DNAAF1: variants seen among roughly 807,000 people sequenced by gnomAD.
DNAAF1 encodes dynein assembly factor 1, axonemal.
In DNAAF1, 65 loss-of-function variants were observed where a neutral mutation model predicts 71.1. The observed-to-expected ratio is 0.91, with a 90% confidence interval of 0.75 to 1.12. The LOEUF is 1.12. Among genes scored for constraint, DNAAF1 ranks in the 50% most tolerant of loss-of-function variants. The probability of loss-of-function intolerance (pLI) is 0.00; values close to 1 mark genes in which losing one functional copy is unlikely to be tolerated. For synonymous variants in DNAAF1, 414 were observed against 354.6 expected (o/e 1.17, Z -1.88); for missense variants, 1,178 against 899.8 (o/e 1.31, Z -3.96).
At position 84,176,014 on chromosome 16, in the gene DNAAF1, G is replaced by A. The variant is rs2088633060; in HGVS notation, c.1780G>A (p.Val594Met). Residue 594 changes from valine (V) to methionine (M), a missense_variant, in exon 11 of 12, where the codon GTG (valine) becomes ATG (methionine). By Grantham distance (21) the Val-to-Met change is conservative. Transcript: ENST00000378553. Reference protein sequence around the residue: ...DPELDYTSLPVLENLPTDTLS... With the variant: ...DPELDYTSLPMLENLPTDTLS... ...TGAACTGGACTACACGTCACTCCCTGTGCTGGAAAACCTCCCCACAGACAC... is the reference window on the plus strand; with the variant it reads ...TGAACTGGACTACACGTCACTCCCTATGCTGGAAAACCTCCCCACAGACAC... 2 of 1,614,180 alleles carry A rather than the reference G, an allele frequency of 1.2e-6. No homozygotes were observed. Among genetic ancestry groups the A allele is most frequent in the Non-Finnish European group, 1.7e-6 (2 of 1,180,034 alleles).
intron 1 of DNAAF1, among the ~76,000 whole-genome samples, chr16:84,146,265 C>G (rs2086900470): frequency 1.3e-5 from 2 of 152,214 alleles, no homozygotes; most frequent in African/African-American, 2.4e-5. Flanking sequence ...CAAAGGCTTT[C>G]TCTCCCTCCA....
intron 7 of DNAAF1, among the ~76,000 whole-genome samples, chr16:84,168,643 A>G (rs960918757): frequency 9.9e-5 from 15 of 152,180 alleles, no homozygotes; most frequent in Non-Finnish European, 1.6e-4. Context: ...TTGAATTAGC[A>G]TACTATAACT....
At chr16:84,177,622 C>T (rs748158305) in intron 11 of DNAAF1, 107 bp from the exon 12 acceptor site, 1 of 922,020 alleles carries the variant, frequency 1.1e-6, no homozygotes, top group Non-Finnish European at 1.8e-6. Flanking sequence ...AGCCACCACG[C>T]CCAGTTGAGG....
rs145757871 is a variant in DNAAF1 at position 84,155,344 on chromosome 16, T to C, written c.575-239T>C. Among the ~76,000 whole-genome samples the C allele has an allele frequency of 3.7e-3, 570 of 152,322 alleles. 5 individuals are homozygous for C. Among genetic ancestry groups the C allele is most frequent in the African/African-American group, 0.013 (547 of 41,580 alleles). On this transcript the variant is annotated intron_variant, in intron 4 of 11. Coordinates refer to ENST00000378553, the MANE Select transcript of DNAAF1 (RefSeq NM_178452.6). ...CCTGGTCTCAAGCGATCCTCCCACG[T>C]CAGCCTCCCAGGTGGCTGAGACCAC... is the stretch of plus-strand genomic sequence containing the variant.
intron 6 of DNAAF1, 101 bp from the exon 7 acceptor site, chr16:84,165,682 T>C (rs1449980105): frequency 4.4e-6 from 5 of 1,132,634 alleles, no homozygotes; most frequent in Non-Finnish European, 6.7e-6. Context: ...ACATGTCTGA[T>C]GCTCACTTTG....
chr16:84,145,565 G>A lies in DNAAF1; in HGVS notation c.124+1G>A. 1 of 1,547,128 alleles carries A rather than the reference G, an allele frequency of 6.5e-7. No individual in the cohort carries two copies. On this transcript the variant is annotated splice_donor_variant, in intron 1 of 11. Coordinates refer to ENST00000378553, the MANE Select transcript of DNAAF1 (RefSeq NM_178452.6). LOFTEE classifies it high-confidence loss of function. ...GCAGGCCGAGGGGGCTGCAAGGAAG[G>A]TGCCGACTGCCCCCCAGGGAGGGCG...
intron 3 of DNAAF1, among the ~76,000 whole-genome samples, chr16:84,154,104 A>G (rs1220171132): frequency 1.3e-5 from 2 of 152,168 alleles, no homozygotes; most frequent in Non-Finnish European, 2.9e-5. Flanking sequence ...TACTGGAGGA[A>G]GGAGGTGTGG....
chr16:84,148,597 T>TC (rs1555519913), intron 1 of DNAAF1, among the ~76,000 whole-genome samples: 21 of 53,186 alleles, frequency 3.9e-4, no homozygotes, highest in African/African-American at 1.2e-3. Flanking sequence ...TCTCTCTCTC[T>TC]TTTTTTTTTT....
intron 6 of DNAAF1, among the ~76,000 whole-genome samples, chr16:84,164,669 A>G (rs2087878314): frequency 6.6e-6 from 1 of 152,164 alleles, no homozygotes; most frequent in African/African-American, 2.4e-5. Context: ...TTCACCTACT[A>G]AAAGACATCT....
chr16:84,174,308 C>T, intron 9 of DNAAF1: 1 of 1,167,026 alleles, frequency 8.6e-7, no homozygotes, highest in African/African-American at 1.6e-5. Flanking sequence ...TTTTATACCA[C>T]ATAGAGTTTT....
intron 1 of DNAAF1, among the ~76,000 whole-genome samples, chr16:84,146,075 C>G (rs207476232): frequency 1.3e-5 from 2 of 151,866 alleles, no homozygotes; most frequent in South Asian, 4.2e-4. Flanking sequence ...CCAGCCCGGA[C>G]GACAGTGGGA....
In DNAAF1 at chr16:84,148,024, C is replaced by T. The variant is rs532939091; in HGVS notation, c.125-983C>T. Reference sequence around the variant, plus strand: ...CGGAGGTTGCAGTGAGCTGAGATCCCGCCACTGCACTCCAACCTGGGGGAT... The same window carrying T: ...CGGAGGTTGCAGTGAGCTGAGATCCTGCCACTGCACTCCAACCTGGGGGAT... On this transcript the variant is annotated intron_variant, in intron 1 of 11. Coordinates refer to ENST00000378553, the MANE Select transcript of DNAAF1 (RefSeq NM_178452.6). 5.9e-5 allele frequency among the ~76,000 whole-genome samples: 9 copies of T among 151,970 alleles called. No homozygotes were observed. The East Asian group carries it at 1.4e-3, about 23-fold the overall frequency.
At chr16:84,153,690 G>A (rs1323647033) in intron 3 of DNAAF1, among the ~76,000 whole-genome samples, 1 of 152,166 alleles carries the variant, frequency 6.6e-6, no homozygotes, top group Non-Finnish European at 1.5e-5. Flanking sequence ...AGTAGGTCAA[G>A]GCATGAATTA....
rs187770915 is a variant in DNAAF1, at chr16:84,156,479, C to T, written c.741+730C>T. Among the ~76,000 whole-genome samples, 133 of 152,290 alleles carry T rather than the reference C, an allele frequency of 8.7e-4. 2 individuals are homozygous for T. Among genetic ancestry groups the T allele is most frequent in the African/African-American group, 3.1e-3 (127 of 41,552 alleles). ...CCTTCCACTGCCAGCTCCTCACATCCGGGAGCGTGTGATGCCTGCTTGCTT... is the reference window on the plus strand; with the variant it reads ...CCTTCCACTGCCAGCTCCTCACATCTGGGAGCGTGTGATGCCTGCTTGCTT... On this transcript the variant is annotated intron_variant, in intron 5 of 11. Coordinates refer to ENST00000378553, the MANE Select transcript of DNAAF1 (RefSeq NM_178452.6).
At chr16:84,147,483 T>A (rs1413789478) in intron 1 of DNAAF1, among the ~76,000 whole-genome samples, 3 of 152,182 alleles carry the variant, frequency 2.0e-5, no homozygotes, top group Non-Finnish European at 2.9e-5. Context: ...ATTCTCACTA[T>A]TTTTGTTTCT....
intron 7 of DNAAF1, among the ~76,000 whole-genome samples, chr16:84,166,951 G>C (rs1354090846): frequency 6.6e-6 from 1 of 152,270 alleles, no homozygotes; most frequent in East Asian, 1.9e-4. Flanking sequence ...CCAATTCTCT[G>C]ACACCAGCCG....
At chr16:84,160,308 T>C (rs553801071) in intron 6 of DNAAF1, among the ~76,000 whole-genome samples, 2 of 152,372 alleles carry the variant, frequency 1.3e-5, no homozygotes, top group African/African-American at 2.4e-5. Flanking sequence ...CCTTTATGAA[T>C]ATTCTGTCAG....
At chr16:84,148,954 A>AT (rs1423632406) in intron 1 of DNAAF1, 53 bp from the exon 2 acceptor site, 5 of 1,605,902 alleles carry the variant, frequency 3.1e-6, no homozygotes, top group African/African-American at 1.3e-5. Context: ...AGTTGGGGGT[A>AT]TTTTTTGGCA....
At chr16:84,151,458 G>A (rs2087176399) in intron 3 of DNAAF1, among the ~76,000 whole-genome samples, 1 of 152,202 alleles carries the variant, frequency 6.6e-6, no homozygotes, top group Non-Finnish European at 1.5e-5. Flanking sequence ...ATAGCAGTGA[G>A]TAAGATGATG....
Sources: allele counts gnomAD v4.1 joint callset (sites outside exome capture counted in the v4.1 genomes callset), GRCh38; gene constraint gnomAD v4.1.1; transcripts MANE v1.5; gene names NCBI Gene and HGNC (gene_info 2026-07-23, HGNC 2026-07-21).